NADK2: variants seen among roughly 807,000 people sequenced by gnomAD.
NADK2 encodes the protein NAD kinase domain-containing protein 1, mitochondrial.
In NADK2, 35 loss-of-function variants were observed where a neutral mutation model predicts 62.1. The observed-to-expected ratio is 0.56, with a 90% confidence interval of 0.43 to 0.75. The LOEUF is 0.75. Ranked by LOEUF, NADK2 falls within the 30% of genes least tolerant of loss-of-function variation. NADK2 has a pLI of 0.00. For synonymous variants in NADK2, 205 were observed against 207.9 expected (o/e 0.99, Z 0.12); for missense variants, 439 against 561.3 (o/e 0.78, Z 2.20).
At chr5:36,198,724 CCTAA>C (rs1746327069) in intron 10 of NADK2, among the ~76,000 whole-genome samples, 1 of 150,664 alleles carries the variant, frequency 6.6e-6, no homozygotes, top group Admixed American at 6.6e-5. Context: ...ACTATATATA[CCTAA>C]CTTTCCTTTG....
chr5:36,213,042 AC>A (rs1746908837), intron 6 of NADK2: 1 of 152,110 alleles, frequency 6.6e-6, no homozygotes, highest in African/African-American at 2.4e-5. Context: ...AACATGAACA[AC>A]CCTTTGGAGA....
chr5:36,200,473 C>G (rs1236319634), intron 9 of NADK2, among the ~76,000 whole-genome samples, 193 bp from the exon 10 acceptor site: 1 of 151,598 alleles, frequency 6.6e-6, no homozygotes, highest in African/African-American at 2.4e-5. Context: ...TAAACAGTAG[C>G]CCCCCCTCGC....
chr5:36,201,108 A>G lies in NADK2; in HGVS notation c.1010T>C (p.Ile337Thr). ...ATQAVEDVLNIAKRQGNLSLP... is the reference protein window; with the variant it reads ...ATQAVEDVLNTAKRQGNLSLP... ...CCAATAGCTGTTTTGGTACTCACCA[A>G]TATTTAAAACATCTTCTACAGCCTG... The change falls in exon 9 of 12, where the codon ATT (isoleucine) becomes ACT (threonine). Residue 337 changes from isoleucine (I) to threonine (T), a missense_variant and splice_region_variant. Ile to Thr is a moderately conservative substitution (Grantham distance 89, BLOSUM62 -1). Coordinates refer to ENST00000381937, the MANE Select transcript of NADK2 (RefSeq NM_001085411.3). The G allele has an allele frequency of 1.2e-6, 2 of 1,612,382 alleles. No homozygotes were observed. Among genetic ancestry groups the G allele is most frequent in the South Asian group, 2.2e-5 (2 of 91,004 alleles).
At position 36,241,444 on chromosome 5, in the gene NADK2, G is replaced by A. The variant is rs1039654333; in HGVS notation, c.300+55C>T. 10 of 1,478,502 alleles carry A rather than the reference G, an allele frequency of 6.8e-6. No individual in the cohort carries two copies. Among genetic ancestry groups the A allele is most frequent in the Non-Finnish European group, 8.9e-6 (10 of 1,118,636 alleles). 91.6% of individuals were successfully genotyped at this position (1,478,502 alleles called of 1,614,324 possible). On this transcript the variant is annotated intron_variant, in intron 1 of 11. Coordinates refer to ENST00000381937, the MANE Select transcript of NADK2 (RefSeq NM_001085411.3). The surrounding 1 kb of genome is among the most constrained non-coding windows in gnomAD (Gnocchi z 4.9). Reference sequence around the variant, plus strand: ...GAGGTCCCCCCGAGGGGGCGCAGCCGCCACCAGAGCCCCGGCCGAGCCCGG... The same window carrying A: ...GAGGTCCCCCCGAGGGGGCGCAGCCACCACCAGAGCCCCGGCCGAGCCCGG...
intron 1 of NADK2, among the ~76,000 whole-genome samples, chr5:36,228,097 T>C (rs1282844701): frequency 6.6e-6 from 1 of 152,174 alleles, no homozygotes; most frequent in Admixed American, 6.5e-5. Context: ...ATAAACTCTA[T>C]TTGGAATTTA....
rs748574609 is a variant in NADK2, at chr5:36,219,621, G to A, written c.619C>T (p.Gln207Ter). Residue 207 changes from glutamine to a stop codon, truncating the protein, a stop_gained, in exon 5 of 12, where the codon CAG becomes TAG. Coordinates refer to ENST00000381937, the MANE Select transcript of NADK2 (RefSeq NM_001085411.3). LOFTEE classifies it high-confidence loss of function. ...RYTHSFPEAL[Q>*]KFYRGEFRWL... ...CTGAACTCACCACGATAGAACTTCT[G>A]TAAGGCTTCTGGAAAGGAATGTGTA... The A allele has an allele frequency of 6.2e-7, 1 of 1,613,880 alleles. No homozygotes were observed. Among genetic ancestry groups the A allele is most frequent in the Non-Finnish European group, 8.5e-7 (1 of 1,179,942 alleles).
In NADK2 at chr5:36,193,041, CAAT is replaced by C. The variant is rs1173604616; in HGVS notation, c.*2100_*2102del. ...TAGAAATTATATCACAAATGGAGCA[CAAT>C]AAGTATTTTTAAAACCTTTTAAAAT... On this transcript the variant is annotated 3_prime_UTR_variant, in exon 12 of 12. Coordinates refer to ENST00000381937, the MANE Select transcript of NADK2 (RefSeq NM_001085411.3). 2 of 152,128 alleles carry C rather than the reference CAAT, an allele frequency of 1.3e-5. No homozygotes were observed. The highest frequency in any genetic ancestry group is 4.8e-5 in the African/African-American group (2 of 41,420). The allele number at this position is 152,128 out of a possible 1,614,324, so 9.4% of individuals were successfully genotyped here.
chr5:36,198,037 A>T, intron 10 of NADK2, among the ~76,000 whole-genome samples: 1 of 152,102 alleles, frequency 6.6e-6, no homozygotes, highest in East Asian at 1.9e-4. Context: ...GTTCTTTCCA[A>T]AATACCATGT....
chr5:36,241,338 C>T lies in NADK2; in HGVS notation c.300+161G>A. The T allele has an allele frequency of 7.7e-7, 1 of 1,302,422 alleles. No individual in the cohort carries two copies. Among genetic ancestry groups the T allele is most frequent in the Admixed American group, 3.8e-5 (1 of 26,210 alleles). The allele number at this position is 1,302,422 out of a possible 1,614,324, so 80.7% of individuals were successfully genotyped here. ...CACACACGCCCAAAGGCAAAGGAGG[C>T]CCAGGGAGAAGCCAGAGGACCTGGG... On this transcript the variant is annotated intron_variant, in intron 1 of 11. Transcript: ENST00000381937. The surrounding 1 kb of genome is among the most constrained non-coding windows in gnomAD (Gnocchi z 4.9).
chr5:36,216,929 C>A (rs1198920878), intron 6 of NADK2, among the ~76,000 whole-genome samples: 3 of 151,842 alleles, frequency 2.0e-5, no homozygotes, highest in Non-Finnish European at 4.4e-5. Flanking sequence ...AAATAGAATT[C>A]TTTTTTTGGA....
Position 36,217,780 on chromosome 5 carries a change from C to G in NADK2, c.749G>C (p.Arg250Thr), listed in dbSNP as rs199611784. Residue 250 changes from arginine (R) to threonine (T), a missense_variant, in exon 6 of 12, where the codon AGA becomes ACA. Transcript: ENST00000381937. ...ATGAGCTCTTTCAATGTTAAGGGCT[C>G]TATTGTGCTGATTCAAGCTTAGCTG... Reference protein sequence around the residue: ...EQQLSLNQHNRALNIERAHDE... With the variant: ...EQQLSLNQHNTALNIERAHDE... 8.1e-6 allele frequency: 13 copies of G among 1,613,914 alleles called. 1 individual carries two copies. Among genetic ancestry groups the G allele is most frequent in the Admixed American group, 6.7e-5 (4 of 60,006 alleles).
chr5:36,241,884 C>G lies in NADK2; in HGVS notation c.-86G>C. ...CGGGAGTGCGCGCCGTCCGCGCCGCCCGGGCCTCTAACTTCGCGCCGGACG... is the reference window on the plus strand; with the variant it reads ...CGGGAGTGCGCGCCGTCCGCGCCGCGCGGGCCTCTAACTTCGCGCCGGACG... On this transcript the variant is annotated 5_prime_UTR_variant, in exon 1 of 12. Transcript: ENST00000381937. The surrounding 1 kb of genome is among the most constrained non-coding windows in gnomAD (Gnocchi z 4.9). 1 of 1,075,364 alleles carries G rather than the reference C, an allele frequency of 9.3e-7. No individual in the cohort carries two copies. Among genetic ancestry groups the G allele is most frequent in the South Asian group, 3.4e-5 (1 of 29,268 alleles). 66.6% of individuals were successfully genotyped at this position (1,075,364 alleles called of 1,614,324 possible).
At chr5:36,215,652 G>C (rs540794575) in intron 6 of NADK2, among the ~76,000 whole-genome samples, 1 of 152,214 alleles carries the variant, frequency 6.6e-6, no homozygotes, top group South Asian at 2.1e-4. Flanking sequence ...CTATCTTCAT[G>C]AGATCAACTT....
rs925552133 is a variant in NADK2 at position 36,200,135 on chromosome 5, A to G, written c.1066+92T>C. On this transcript the variant is annotated intron_variant, in intron 10 of 11. Transcript: ENST00000381937. ...TTAAAAGCATGTTTGAGTAAAAAAAAGTACTTTGCTAATTAAACAACACTT... is the reference window on the plus strand; with the variant it reads ...TTAAAAGCATGTTTGAGTAAAAAAAGGTACTTTGCTAATTAAACAACACTT... 39 of 820,608 alleles carry G rather than the reference A, an allele frequency of 4.8e-5. 1 individual carries two copies. The highest frequency in any genetic ancestry group is 2.8e-5 in the Admixed American group (1 of 35,382). 50.8% of individuals were successfully genotyped at this position (820,608 alleles called of 1,614,324 possible).
intron 6 of NADK2, among the ~76,000 whole-genome samples, chr5:36,216,036 C>A (rs1441409863): frequency 6.6e-6 from 1 of 152,128 alleles, no homozygotes; most frequent in East Asian, 1.9e-4. Context: ...AATGGCTTTA[C>A]TTATTTACAT....
Position 36,241,253 on chromosome 5 carries a change from G to T in NADK2, c.300+246C>A. Reference sequence around the variant, plus strand: ...TCCCCGCGGCGCCCCTGCCTCCTAAGTCCCTGCATGAACCACTGTCCCTCT... The same window carrying T: ...TCCCCGCGGCGCCCCTGCCTCCTAATTCCCTGCATGAACCACTGTCCCTCT... On this transcript the variant is annotated intron_variant, in intron 1 of 11. Transcript: ENST00000381937. The surrounding 1 kb of genome is among the most constrained non-coding windows in gnomAD (Gnocchi z 4.9). The T allele has an allele frequency of 1.5e-6, 1 of 660,650 alleles. No individual in the cohort carries two copies. Among genetic ancestry groups the T allele is most frequent in the Non-Finnish European group, 2.1e-6 (1 of 467,276 alleles). 40.9% of individuals were successfully genotyped at this position (660,650 alleles called of 1,614,324 possible).
rs1746704297 is a variant in NADK2 at position 36,208,049 on chromosome 5, T to TG, written c.861-785dup. 1.3e-5 allele frequency among the ~76,000 whole-genome samples: 2 copies of TG among 152,132 alleles called. 1 individual carries two copies. Among genetic ancestry groups the TG allele is most frequent in the South Asian group, 4.1e-4 (2 of 4,828 alleles). On this transcript the variant is annotated intron_variant, in intron 7 of 11. Transcript: ENST00000381937. ...AAATAATGGTGTCACTGATCAACAC[T>TG]GAATTTTTTTCTCCAGCAAATAAAA...
At chr5:36,217,215 A>G (rs998521068) in intron 6 of NADK2, among the ~76,000 whole-genome samples, 1 of 152,182 alleles carries the variant, frequency 6.6e-6, no homozygotes, top group Non-Finnish European at 1.5e-5. Context: ...CATTTGCTAT[A>G]AAAAGTGGGA....
At chr5:36,207,457 A>C (rs554436033) in intron 7 of NADK2, among the ~76,000 whole-genome samples, 192 bp from the exon 8 acceptor site, 1 of 151,738 alleles carries the variant, frequency 6.6e-6, no homozygotes, top group South Asian at 2.1e-4. Flanking sequence ...AAAAAAAAAA[A>C]AACTACATGT....
Sources: allele counts gnomAD v4.1 joint callset (sites outside exome capture counted in the v4.1 genomes callset), GRCh38; gene constraint gnomAD v4.1.1; non-coding constraint Gnocchi (gnomAD v3.1); transcripts MANE v1.5; gene names NCBI Gene and HGNC (gene_info 2026-07-23, HGNC 2026-07-21).